DGKB: variants seen among roughly 807,000 people sequenced by gnomAD.
DGKB encodes the protein diacylglycerol kinase beta.
A neutral mutation model predicts 114.3 loss-of-function variants in DGKB; 67 were observed. That is an observed-to-expected ratio of 0.59 (90% CI 0.48 to 0.72). DGKB has a LOEUF of 0.72. Among genes scored for constraint, DGKB ranks in the 30% least tolerant of loss-of-function variants. The probability of loss-of-function intolerance (pLI) is 0.00; values close to 1 mark genes in which losing one functional copy is unlikely to be tolerated. For synonymous variants in DGKB, 398 were observed against 323.1 expected (o/e 1.23, Z -2.49); for missense variants, 907 against 975.2 (o/e 0.93, Z 0.93).
intron 1 of DGKB, among the ~76,000 whole-genome samples, chr7:14,879,744 A>AT (rs1853927277): frequency 6.6e-6 from 1 of 152,182 alleles, no homozygotes; most frequent in Non-Finnish European, 1.5e-5. Context: ...AAATACCTCA[A>AT]TGCTGAAAGA....
intron 21 of DGKB, among the ~76,000 whole-genome samples, chr7:14,414,166 A>G (rs1825338111): frequency 6.6e-6 from 1 of 152,152 alleles, no homozygotes; most frequent in South Asian, 2.1e-4. Context: ...GGATCTATAT[A>G]CCCTTTACAA....
intron 23 of DGKB, chr7:14,191,762 C>T: frequency 3.0e-6 from 1 of 334,848 alleles, no homozygotes; most frequent in Non-Finnish European, 6.2e-6. Context: ...CAAAAATGAC[C>T]CACCAATGGA....
chr7:14,245,520 A>C (rs537704806), intron 23 of DGKB, among the ~76,000 whole-genome samples: 69 of 152,310 alleles, frequency 4.5e-4, no homozygotes, highest in African/African-American at 1.6e-3. Context: ...CAACATTCAA[A>C]TATTGTGGGT....
chr7:14,664,108 T>C (rs541145040), intron 13 of DGKB, among the ~76,000 whole-genome samples: 1 of 152,172 alleles, frequency 6.6e-6, no homozygotes, highest in South Asian at 2.1e-4. Flanking sequence ...GTTTTAAGGA[T>C]AATATCCAAT....
chr7:14,425,707 G>A (rs1195369829), intron 21 of DGKB, among the ~76,000 whole-genome samples: 1 of 152,160 alleles, frequency 6.6e-6, no homozygotes, highest in Non-Finnish European at 1.5e-5. Context: ...AACAGCAGGA[G>A]AGAGAAGACA....
intron 4 of DGKB, among the ~76,000 whole-genome samples, chr7:14,739,993 T>G (rs1454575097): frequency 6.6e-6 from 1 of 152,250 alleles, no homozygotes; most frequent in Admixed American, 6.5e-5. Context: ...CTGTATGTAC[T>G]TTCGGCATCC....
chr7:14,291,090 C>T (rs770411009), intron 23 of DGKB, among the ~76,000 whole-genome samples: 3 of 134,578 alleles, frequency 2.2e-5, no homozygotes, highest in East Asian at 2.2e-4. Flanking sequence ...TGCAGTGAGC[C>T]GAGGTCATGC....
intron 1 of DGKB, among the ~76,000 whole-genome samples, chr7:14,921,012 G>A (rs1233552882): frequency 6.6e-6 from 1 of 152,056 alleles, no homozygotes; most frequent in Non-Finnish European, 1.5e-5. Flanking sequence ...GGTAAATTGT[G>A]TGTTGTGAAG....
chr7:14,851,042 T>C (rs1049263178), intron 1 of DGKB, among the ~76,000 whole-genome samples: 3 of 152,168 alleles, frequency 2.0e-5, no homozygotes, highest in Admixed American at 1.3e-4. Context: ...AATAAGAGAC[T>C]CTCAATAATG....
chr7:14,828,970 G>A (rs1846063413), intron 2 of DGKB, among the ~76,000 whole-genome samples: 1 of 152,042 alleles, frequency 6.6e-6, no homozygotes, highest in African/African-American at 2.4e-5. Context: ...GACTAATGTT[G>A]CTAAGCAAGA....
Position 14,383,528 on chromosome 7 carries a change from C to T in DGKB, c.1836-38137G>A, listed in dbSNP as rs1314295096. Among the ~76,000 whole-genome samples, 4 of 152,134 alleles carry T rather than the reference C, an allele frequency of 2.6e-5. 1 individual carries two copies. The highest frequency in any genetic ancestry group is 5.9e-5 in the Non-Finnish European group (4 of 68,036). On this transcript the variant is annotated intron_variant, in intron 21 of 25. Coordinates refer to ENST00000402815, the MANE Select transcript of DGKB (RefSeq NM_001350709.2). ...GTTGGCTTTCCAGTGTCATCAGGGG[C>T]CCAGATTCCTGTCTTTCTGCTCTGC...
intron 2 of DGKB, among the ~76,000 whole-genome samples, chr7:14,779,277 T>G (rs1471433431): frequency 6.6e-6 from 1 of 152,242 alleles, no homozygotes; most frequent in African/African-American, 2.4e-5. Flanking sequence ...GGTTCATGCC[T>G]GTAATCCCAG....
At chr7:14,308,673 T>C (rs1442315471) in intron 23 of DGKB, among the ~76,000 whole-genome samples, 1 of 152,000 alleles carries the variant, frequency 6.6e-6, no homozygotes, top group Non-Finnish European at 1.5e-5. Context: ...AATATGAAGG[T>C]AGATAAAAGG....
At chr7:14,870,070 T>A (rs2128194331) in intron 1 of DGKB, among the ~76,000 whole-genome samples, 1 of 152,272 alleles carries the variant, frequency 6.6e-6, no homozygotes, top group Admixed American at 6.5e-5. Flanking sequence ...CTCTAGATGC[T>A]CTTCCCTGAG....
At chr7:14,601,572 T>A (rs1235922739) in intron 17 of DGKB, among the ~76,000 whole-genome samples, 1 of 152,204 alleles carries the variant, frequency 6.6e-6, no homozygotes, top group African/African-American at 2.4e-5. Flanking sequence ...TGACAAATTC[T>A]GTCACTAATT....
chr7:14,691,954 A>C (rs6964476), intron 9 of DGKB, among the ~76,000 whole-genome samples: 8,584 of 152,048 alleles, frequency 0.056, 785 homozygotes, highest in African/African-American at 0.2. Flanking sequence ...ACTATTAAAA[A>C]GTAAATTATG....
intron 20 of DGKB, among the ~76,000 whole-genome samples, chr7:14,567,262 ATT>A (rs565685719): frequency 0.02 from 897 of 44,194 alleles, 60 homozygotes; most frequent in East Asian, 0.049. Context: ...ATATTTATAT[ATT>A]ATATATATAA....
At chr7:14,476,648 T>C (rs1270552914) in intron 21 of DGKB, among the ~76,000 whole-genome samples, 1 of 151,796 alleles carries the variant, frequency 6.6e-6, no homozygotes, top group Non-Finnish European at 1.5e-5. Flanking sequence ...TTTTCTGAAC[T>C]ATAAGAAAAA....
intron 2 of DGKB, among the ~76,000 whole-genome samples, chr7:14,772,543 G>T (rs114026542): frequency 6.6e-6 from 1 of 152,116 alleles, no homozygotes; most frequent in African/African-American, 2.4e-5. Flanking sequence ...TGAATTAGAA[G>T]AGAAAGCATG....
Sources: gnomAD v4.1 joint callset for allele counts (sites outside exome capture counted in the v4.1 genomes callset) on GRCh38, gnomAD v4.1.1 for gene constraint, MANE v1.5 for transcripts, NCBI Gene and HGNC (gene_info 2026-07-23, HGNC 2026-07-21) for gene names.